Variants in PCDHGA2 observed in about 807,000 individuals in gnomAD.
The protein encoded by PCDHGA2 is protocadherin gamma subfamily A, 2, also known as protocadherin gamma-A2.
PCDHGA2 carries 40 observed loss-of-function variants against 59.2 expected under a neutral mutation model. The observed-to-expected ratio is 0.68, with a 90% CI of 0.52 to 0.88. The LOEUF is 0.88. Ranked by LOEUF, PCDHGA2 falls within the 40% of genes least tolerant of loss-of-function variation. The pLI, the probability that PCDHGA2 is intolerant of heterozygous loss-of-function variation, is 0.00. For synonymous variants in PCDHGA2, 560 were observed against 526.0 expected (o/e 1.06, Z -0.89); for missense variants, 1,226 against 1,204.0 (o/e 1.02, Z -0.27).
chr5:141,432,692 G>A lies in PCDHGA2; in HGVS notation c.2425-62115G>A. The A allele has an allele frequency of 6.2e-7, 1 of 1,613,964 alleles. No homozygotes were observed. Among genetic ancestry groups the A allele is most frequent in the Non-Finnish European group, 8.5e-7 (1 of 1,179,978 alleles). On this transcript the variant is annotated intron_variant, in intron 1 of 3. Transcript: ENST00000394576. The surrounding 1 kb of genome is among the most constrained non-coding windows in gnomAD (Gnocchi z 6.0). ...CGCGCTCAAGCAGAGCCTCGTAGTG[G>A]CCGTCCAGGACCACGGCCAGCCCCC...
rs764729742 is a variant in PCDHGA2 at position 141,450,826 on chromosome 5, A to ATTT, written c.2425-43979_2425-43978insTTT. On this transcript the variant is annotated intron_variant, in intron 1 of 3. Coordinates refer to ENST00000394576, the MANE Select transcript of PCDHGA2 (RefSeq NM_018915.4). ...TATTTATTTATTTAATATTATTATT[A>ATTT]TTATTTTTTTTTTTTTGAGATGGGG... 5.5e-3 allele frequency among the ~76,000 whole-genome samples: 742 copies of ATTT among 134,318 alleles called. 10 individuals are homozygous for ATTT. The highest frequency in any genetic ancestry group is 0.013 in the Middle Eastern group (3 of 230). 88.1% of individuals were successfully genotyped at this position (134,318 alleles called of 152,430 possible).
At chr5:141,472,058 C>T (rs149583469) in intron 1 of PCDHGA2, among the ~76,000 whole-genome samples, 114 of 152,176 alleles carry the variant, frequency 7.5e-4, no homozygotes, top group African/African-American at 2.6e-3. Context: ...AAATGATTGA[C>T]ATGTCTGTGG....
chr5:141,404,195 G>A (rs1472875979), intron 1 of PCDHGA2: 1 of 1,613,400 alleles, frequency 6.2e-7, no homozygotes, highest in East Asian at 2.2e-5. Context: ...CCGAGAAAAA[G>A]CCTCAGAATA....
intron 1 of PCDHGA2, chr5:141,378,176 C>A (rs541529562): frequency 6.6e-6 from 1 of 152,124 alleles, no homozygotes; most frequent in South Asian, 2.1e-4. Context: ...AACTAAGCAC[C>A]GATGCTGTGT....
At chr5:141,453,014 G>A (rs2098753820) in intron 1 of PCDHGA2, among the ~76,000 whole-genome samples, 1 of 152,206 alleles carries the variant, frequency 6.6e-6, no homozygotes, top group Non-Finnish European at 1.5e-5. Flanking sequence ...GTATAGTTAT[G>A]TGATTCATTA....
At chr5:141,394,610 C>T in intron 1 of PCDHGA2, 1 of 1,613,488 alleles carries the variant, frequency 6.2e-7, no homozygotes, top group African/African-American at 1.3e-5. Flanking sequence ...GAGACTCGGG[C>T]CAGAACGCCT....
Position 141,431,054 on chromosome 5 carries a change from G to A in PCDHGA2, c.2425-63753G>A, listed in dbSNP as rs532584174. 1 of 1,614,198 alleles carries A rather than the reference G, an allele frequency of 6.2e-7. No individual in the cohort carries two copies. Among genetic ancestry groups the A allele is most frequent in the African/African-American group, 1.3e-5 (1 of 75,076 alleles). ...AGACCGGGAGGAGCTCTGTATGGGG[G>A]CCATCAAGTGTCAATTAAATCTAGA... On this transcript the variant is annotated intron_variant, in intron 1 of 3. Transcript: ENST00000394576. This position sits in a 1 kb window ranked among gnomAD's most constrained non-coding sequence, Gnocchi z 4.8.
chr5:141,484,549 G>A (rs939394402), intron 1 of PCDHGA2, among the ~76,000 whole-genome samples: 1 of 152,162 alleles, frequency 6.6e-6, no homozygotes, highest in African/African-American at 2.4e-5. Context: ...GTTCTAATTA[G>A]CAGTTGCTCC....
intron 1 of PCDHGA2, chr5:141,424,285 T>A (rs573116321): frequency 6.5e-6 from 1 of 152,894 alleles, no homozygotes; most frequent in South Asian, 2.1e-4. Context: ...CTTTGTCTCA[T>A]TTCTTCATCC....
At chr5:141,354,361 A>C (rs1024429326) in intron 1 of PCDHGA2, among the ~76,000 whole-genome samples, 7 of 152,230 alleles carry the variant, frequency 4.6e-5, no homozygotes, top group Admixed American at 1.3e-4. Context: ...CACATTGTGA[A>C]CAAGATAGTC....
At chr5:141,448,394 T>C (rs1360417681) in intron 1 of PCDHGA2, among the ~76,000 whole-genome samples, 1 of 152,206 alleles carries the variant, frequency 6.6e-6, no homozygotes. Context: ...TACATTTACA[T>C]GGTTTTAAAA....
At chr5:141,383,621 T>A in intron 1 of PCDHGA2, 1 of 1,613,880 alleles carries the variant, frequency 6.2e-7, no homozygotes, top group East Asian at 2.2e-5. Flanking sequence ...CACACGCCTG[T>A]CTTCTCTCTG....
intron 1 of PCDHGA2, among the ~76,000 whole-genome samples, chr5:141,425,869 C>T (rs1376765137): frequency 2.0e-5 from 3 of 152,198 alleles, no homozygotes. Context: ...TATAGATTCC[C>T]ATCTCTAAGG....
chr5:141,491,861 C>A lies in PCDHGA2; in HGVS notation c.2425-2946C>A. ...GGATCATTGGACCGTTTGCGCGAAA[C>A]CAGAGTGGCCGATTAAGGGATGGGG... On this transcript the variant is annotated intron_variant, in intron 1 of 3. Transcript: ENST00000394576. The surrounding 1 kb of genome is among the most constrained non-coding windows in gnomAD (Gnocchi z 6.9). 6.9e-7 allele frequency: 1 copy of A among 1,455,272 alleles called. No homozygotes were observed. The highest frequency in any genetic ancestry group is 9.1e-7 in the Non-Finnish European group (1 of 1,100,930). The allele number at this position is 1,455,272 out of a possible 1,614,324, so 90.1% of individuals were successfully genotyped here.
chr5:141,343,860 C>G (rs1757333938), intron 1 of PCDHGA2: 1 of 556,992 alleles, frequency 1.8e-6, no homozygotes, highest in Non-Finnish European at 3.1e-6. Context: ...TGCAAAGAAC[C>G]AGCAAATCAG....
rs373286702 is a variant in PCDHGA2, at chr5:141,421,190, A to T, written c.2425-73617A>T. ...TACATAAGCCGATTCACAACCAACC[A>T]GCTCGAGAAACCGCGGAATATCGGC... On this transcript the variant is annotated intron_variant, in intron 1 of 3. Transcript: ENST00000394576. The T allele has an allele frequency of 4.7e-6, 7 of 1,480,168 alleles. No homozygotes were observed. The South Asian group carries it at 9.4e-5, about 20-fold the overall frequency. 91.7% of individuals were successfully genotyped at this position (1,480,168 alleles called of 1,614,324 possible).
Position 141,489,084 on chromosome 5 carries a change from C to CCG in PCDHGA2, c.2425-5723_2425-5722insCG. On this transcript the variant is annotated intron_variant, in intron 1 of 3. Coordinates refer to ENST00000394576, the MANE Select transcript of PCDHGA2 (RefSeq NM_018915.4). The surrounding 1 kb of genome is among the most constrained non-coding windows in gnomAD (Gnocchi z 4.5). ...CTCCCCCCTGCCCACCCCCGCCACT[C>CCG]GGTGACTAAGAACTGCTGCAAGCAG... 9.1e-6 allele frequency: 3 copies of CCG among 329,130 alleles called. No individual in the cohort carries two copies. The highest frequency in any genetic ancestry group is 5.4e-6 in the Non-Finnish European group (1 of 186,464). The allele number at this position is 329,130 out of a possible 1,614,324, so 20.4% of individuals were successfully genotyped here. A position where few individuals can be genotyped will look rare whatever the true frequency, so the allele number is the denominator to read the frequency against.
chr5:141,423,009 G>T (rs371209178), intron 1 of PCDHGA2: 3 of 1,614,222 alleles, frequency 1.9e-6, no homozygotes, highest in Non-Finnish European at 2.5e-6. Context: ...AGGTGGTTGC[G>T]GTGGACAAAG....
Position 141,489,120 on chromosome 5 carries a change from G to T in PCDHGA2, c.2425-5687G>T. On this transcript the variant is annotated intron_variant, in intron 1 of 3. Coordinates refer to ENST00000394576, the MANE Select transcript of PCDHGA2 (RefSeq NM_018915.4). The surrounding 1 kb of genome is among the most constrained non-coding windows in gnomAD (Gnocchi z 4.5). Reference sequence around the variant, plus strand: ...AACTGCTGCAAGCAGGCAAACCTCCGAGCAGTTTTTAAGAGGCTGGAAGGA... The same window carrying T: ...AACTGCTGCAAGCAGGCAAACCTCCTAGCAGTTTTTAAGAGGCTGGAAGGA... 2.2e-6 allele frequency: 1 copy of T among 445,672 alleles called. No individual in the cohort carries two copies. The highest frequency in any genetic ancestry group is 3.8e-6 in the Non-Finnish European group (1 of 264,754). The allele number at this position is 445,672 out of a possible 1,614,324, so 27.6% of individuals were successfully genotyped here.
Sources: gnomAD v4.1 joint callset for allele counts (sites outside exome capture counted in the v4.1 genomes callset) on GRCh38, gnomAD v4.1.1 for gene constraint, Gnocchi (gnomAD v3.1) non-coding constraint, MANE v1.5 for transcripts, NCBI Gene and HGNC (gene_info 2026-07-23, HGNC 2026-07-21) for gene names.